MED16: variants seen among roughly 807,000 people sequenced by gnomAD.
The protein encoded by MED16 is mediator of RNA polymerase II transcription subunit 16.
In MED16, 81 loss-of-function variants were observed where a neutral mutation model predicts 84.4. That is an observed-to-expected ratio of 0.96 (90% CI 0.80 to 1.15). The LOEUF is 1.15. Ranked by LOEUF, MED16 falls within the 50% of genes most tolerant of loss-of-function variation. The probability of loss-of-function intolerance (pLI) is 0.00; values close to 1 mark genes in which losing one functional copy is unlikely to be tolerated. For missense variants in MED16, 1,585 were observed against 1,245.9 expected, an observed-to-expected ratio of 1.27 and a Z score of -4.10; for synonymous variants, 897 against 552.2, an observed-to-expected ratio of 1.62 and a Z score of -8.76.
At chr19:891,656 C>T (rs1054799302) in intron 1 of MED16, among the ~76,000 whole-genome samples, 13 of 119,052 alleles carry the variant, frequency 1.1e-4, no homozygotes, top group African/African-American at 4.4e-4. Context: ...GTGGCCGAGG[C>T]GGGGGCTGAG....
At chr19:877,613 C>A (rs2036282718) in intron 8 of MED16, among the ~76,000 whole-genome samples, 1 of 91,362 alleles carries the variant, frequency 1.1e-5, no homozygotes, top group South Asian at 2.7e-4. Context: ...TGGTCCCTTC[C>A]CCCGGGGGCG....
At chr19:879,640 G>A (rs1599332143) in intron 8 of MED16, among the ~76,000 whole-genome samples, 1 of 117,910 alleles carries the variant, frequency 8.5e-6, no homozygotes, top group African/African-American at 3.4e-5. Context: ...ACGTGCCCCA[G>A]CAGCTCACGT....
intron 13 of MED16, among the ~76,000 whole-genome samples, chr19:869,359 G>A (rs889898048): frequency 3.3e-5 from 5 of 151,912 alleles, no homozygotes; most frequent in African/African-American, 9.7e-5. Context: ...CACCCGGCCT[G>A]GAGGTGCCGG....
intron 6 of MED16, 36 bp downstream of exon 6, chr19:884,867 C>T (rs768370300): frequency 4.9e-5 from 76 of 1,540,532 alleles, no homozygotes; most frequent in Admixed American, 2.0e-4. Flanking sequence ...CCCCCGAGGG[C>T]AGGCCCAGGG....
At chr19:884,869 G>T in intron 6 of MED16, 34 bp downstream of exon 6, 2 of 1,554,068 alleles carry the variant, frequency 1.3e-6, no homozygotes, top group Non-Finnish European at 1.7e-6. Flanking sequence ...CCCGAGGGCA[G>T]GCCCAGGGCC....
chr19:872,811 G>A lies in MED16; in HGVS notation c.1905+638C>T, dbSNP rs893731047. On this transcript the variant is annotated intron_variant, in intron 11 of 15. Coordinates refer to ENST00000325464, the MANE Select transcript of MED16 (RefSeq NM_005481.3). Reference sequence around the variant, plus strand: ...GGGGCAGCAGCAGCAGAAGCAAGGCGAACCGGCCTTCGTGTAGGGGTGGGG... The same window carrying A: ...GGGGCAGCAGCAGCAGAAGCAAGGCAAACCGGCCTTCGTGTAGGGGTGGGG... 6.9e-4 allele frequency: 202 copies of A among 293,312 alleles called. 2 individuals carry two copies. The highest frequency in any genetic ancestry group is 8.4e-4 in the Non-Finnish European group (160 of 190,142). 18.2% of individuals were successfully genotyped at this position (293,312 alleles called of 1,614,324 possible). A position where few individuals can be genotyped will look rare whatever the true frequency, so the allele number is the denominator to read the frequency against.
At position 868,145 on chromosome 19, in the gene MED16, T is replaced by C. The variant is rs767704091; in HGVS notation, c.2590A>G (p.Thr864Ala). The change falls in exon 16 of 16, where the codon ACC becomes GCC. Residue 864 changes from threonine (T) to alanine (A), a missense_variant. By Grantham distance (58) the Thr-to-Ala change is moderately conservative. Transcript: ENST00000325464. ...GPQSTHHSPR[T>A]PRSLDHLHPE... Reference sequence around the variant, plus strand: ...TGCAGATGGTCCAGGGATCTGGGGGTCCTGGGAGAGTGGTGTGTGGACTGC... The same window carrying C: ...TGCAGATGGTCCAGGGATCTGGGGGCCCTGGGAGAGTGGTGTGTGGACTGC... The C allele has an allele frequency of 9.9e-6, 16 of 1,611,532 alleles. No individual in the cohort carries two copies. The highest frequency in any genetic ancestry group is 1.2e-5 in the Non-Finnish European group (14 of 1,179,532).
At position 875,250 on chromosome 19, in the gene MED16, C is replaced by T. The variant is rs777186635; in HGVS notation, c.1765G>A (p.Asp589Asn). 18 of 1,606,404 alleles carry T rather than the reference C, an allele frequency of 1.1e-5. No individual in the cohort carries two copies. The highest frequency in any genetic ancestry group is 1.7e-4 in the Middle Eastern group (1 of 6,034). The change falls in exon 10 of 16, where the codon GAC becomes AAC. Residue 589 changes from aspartate (D) to asparagine (N), a missense_variant. Physicochemically the swap from Asp to Asn is conservative, Grantham distance 23. Coordinates refer to ENST00000325464, the MANE Select transcript of MED16 (RefSeq NM_005481.3). Reference sequence around the variant, plus strand: ...GGCGTGGAAAAGGACCCACCGACGTCGGTGATCTTGGTGCAGATCTCGGTC... The same window carrying T: ...GGCGTGGAAAAGGACCCACCGACGTTGGTGATCTTGGTGCAGATCTCGGTC... The part of the protein sequence containing the change: ...RLTEICTKIT[D>N]VDIDKVMINL...
At chr19:877,892 CCCACCAGCCCCAGCCCCACG>C (rs2036294848) in intron 8 of MED16, among the ~76,000 whole-genome samples, 1 of 146,736 alleles carries the variant, frequency 6.8e-6, no homozygotes, top group South Asian at 2.2e-4. Flanking sequence ...GTTGTCAATG[CCCACCAGCCCCAGCCCCACG>C]TGCCCCAGCA....
intron 6 of MED16, 104 bp from the exon 7 acceptor site, chr19:881,818 T>G: frequency 1.3e-3 from 1,541 of 1,145,670 alleles, no homozygotes; most frequent in East Asian, 2.7e-3. Flanking sequence ...CCCAGGGCCC[T>G]TCCCAGGTCT....
chr19:889,862 T>G lies in MED16; in HGVS notation c.278-55A>C, dbSNP rs985171386. ...TTCCAGGGATGGGCAGAGCACTGCG[T>G]TGCAGGACGGCACAGCGCCTGGGGG... On this transcript the variant is annotated intron_variant, in intron 3 of 15. Coordinates refer to ENST00000325464, the MANE Select transcript of MED16 (RefSeq NM_005481.3). 2.6e-6 allele frequency: 4 copies of G among 1,544,078 alleles called. No individual in the cohort carries two copies. The South Asian group carries it at 4.8e-5, about 18-fold the overall frequency.
chr19:875,714 G>C (rs983474367), intron 9 of MED16, among the ~76,000 whole-genome samples: 1 of 152,140 alleles, frequency 6.6e-6, no homozygotes, highest in East Asian at 1.9e-4. Flanking sequence ...ATTTTTAGTT[G>C]TCACCACTGG....
At chr19:880,949 A>G (rs2036408738) in intron 7 of MED16, among the ~76,000 whole-genome samples, 1 of 151,822 alleles carries the variant, frequency 6.6e-6, no homozygotes, top group African/African-American at 2.4e-5. Flanking sequence ...AAAAAAAAAT[A>G]GAGCCTGGAA....
intron 13 of MED16, among the ~76,000 whole-genome samples, 168 bp from the exon 14 acceptor site, chr19:869,114 A>C (rs2035986861): frequency 6.6e-6 from 1 of 152,104 alleles, no homozygotes; most frequent in African/African-American, 2.4e-5. Context: ...GGACCACCTG[A>C]GACAGGCCCA....
At chr19:882,589 G>A (rs577485739) in intron 6 of MED16, among the ~76,000 whole-genome samples, 1 of 152,316 alleles carries the variant, frequency 6.6e-6, no homozygotes, top group Admixed American at 6.5e-5. Context: ...GGCTGCATGT[G>A]GGACACGGAG....
intron 6 of MED16, 148 bp from the exon 7 acceptor site, chr19:881,862 G>T: frequency 1.0e-6 from 1 of 979,984 alleles, no homozygotes; most frequent in Non-Finnish European, 1.5e-6. Flanking sequence ...AGAAGACCAG[G>T]CCCGGCCAAT....
chr19:868,340 G>GGCAGCTGAGGA, intron 15 of MED16, 76 bp downstream of exon 15: 2 of 1,591,258 alleles, frequency 1.3e-6, no homozygotes, highest in South Asian at 2.2e-5. Context: ...GCAGCTGAGG[G>GGCAGCTGAGGA]GTAGCTGAGG....
intron 11 of MED16, 62 bp downstream of exon 11, chr19:873,387 G>T (rs543693287): frequency 1.9e-6 from 3 of 1,547,912 alleles, no homozygotes; most frequent in Middle Eastern, 2.3e-4. Context: ...GCAGGGAAGC[G>T]GGGTCCTGAT....
Position 871,270 on chromosome 19 carries a change from C to CG in MED16, c.2099-18dup. 1 of 1,525,508 alleles carries CG rather than the reference C, an allele frequency of 6.6e-7. No homozygotes were observed. Among genetic ancestry groups the CG allele is most frequent in the East Asian group, 2.5e-5 (1 of 40,382 alleles). 94.5% of individuals were successfully genotyped at this position (1,525,508 alleles called of 1,614,324 possible). Reference sequence around the variant, plus strand: ...CATCGCGACCTGCGGAGAGAGGTGGCGGAAGTCTCAGCACCCCTGACTGGG... The same window carrying CG: ...CATCGCGACCTGCGGAGAGAGGTGGCGGGAAGTCTCAGCACCCCTGACTGGG... On this transcript the variant is annotated splice_polypyrimidine_tract_variant and intron_variant, in intron 12 of 15. Coordinates refer to ENST00000325464, the MANE Select transcript of MED16 (RefSeq NM_005481.3).
Sources: allele counts gnomAD v4.1 joint callset (sites outside exome capture counted in the v4.1 genomes callset), GRCh38; gene constraint gnomAD v4.1.1; transcripts MANE v1.5; gene names NCBI Gene and HGNC (gene_info 2026-07-23, HGNC 2026-07-21).